Variants in SPNS2 observed in about 807,000 individuals in gnomAD.
The protein encoded by SPNS2 is SPNS lysolipid transporter 2, sphingosine-1-phosphate, also known as sphingosine-1-phosphate transporter SPNS2.
In SPNS2, 37 loss-of-function variants were observed where a neutral mutation model predicts 57.6. The ratio of observed to expected loss-of-function variants is 0.64; its 90% confidence interval spans 0.49 to 0.85. The LOEUF (loss-of-function observed/expected upper bound fraction) is 0.85. SPNS2 is among the 40% of genes least tolerant of loss of function. SPNS2 has a pLI of 0.00. For synonymous variants in SPNS2, 440 were observed against 346.9 expected, an observed-to-expected ratio of 1.27 and a Z score of -2.98; for missense variants, 831 against 779.1, an observed-to-expected ratio of 1.07 and a Z score of -0.79.
At chr17:4,536,501 CTGGGG>C in intron 11 of SPNS2, 75 bp downstream of exon 11, 2 of 1,474,074 alleles carry the variant, frequency 1.4e-6, no homozygotes, top group Non-Finnish European at 9.2e-7. Context: ...GAGCCCTGCC[CTGGGG>C]TGGGGCGGGG....
intron 3 of SPNS2, 117 bp from the exon 4 acceptor site, chr17:4,530,515 C>T (rs1361463604): frequency 3.1e-6 from 4 of 1,276,070 alleles, no homozygotes; most frequent in Non-Finnish European, 4.4e-6. Flanking sequence ...CCAGCACCCT[C>T]ACCCTTCTCT....
At chr17:4,513,674 G>A (rs1904911454) in intron 2 of SPNS2, among the ~76,000 whole-genome samples, 1 of 152,154 alleles carries the variant, frequency 6.6e-6, no homozygotes, top group Non-Finnish European at 1.5e-5. Context: ...TCAGTAAGTT[G>A]GGCAATGCCA....
At position 4,512,677 on chromosome 17, in the gene SPNS2, T is replaced by TGTGTATGCATGTGTGC. The variant is rs1567588918; in HGVS notation, c.371-569_371-568insTGTATGCATGTGTGCG. Among the ~76,000 whole-genome samples the TGTGTATGCATGTGTGC allele has an allele frequency of 0.012, 1,869 of 150,506 alleles. 41 individuals carry two copies. The highest frequency in any genetic ancestry group is 0.044 in the African/African-American group (1,773 of 40,686). On this transcript the variant is annotated intron_variant, in intron 1 of 12. Transcript: ENST00000329078. The surrounding 1 kb of genome is among the most constrained non-coding windows in gnomAD (Gnocchi z 5.2). Reference sequence around the variant, plus strand: ...GCGCACGGGTATGTGTGTGCGCGCGTGGGTGTGTATGCATGTGTGCAGGTG... The same window carrying TGTGTATGCATGTGTGC: ...GCGCACGGGTATGTGTGTGCGCGCGTGTGTATGCATGTGTGCGGGTGTGTATGCATGTGTGCAGGTG...
intron 2 of SPNS2, among the ~76,000 whole-genome samples, chr17:4,516,316 CAAAA>C (rs67710825): frequency 1.5e-5 from 1 of 67,506 alleles, no homozygotes. Flanking sequence ...TCTATCTCCC[CAAAA>C]AAAAAAAAAA....
chr17:4,537,813 C>G lies in SPNS2; in HGVS notation c.*365C>G, dbSNP rs536499896. 2.2e-6 allele frequency: 1 copy of G among 455,730 alleles called. No homozygotes were observed. Among genetic ancestry groups the G allele is most frequent in the South Asian group, 1.5e-5 (1 of 64,548 alleles). The allele number at this position is 455,730 out of a possible 1,614,324, so 28.2% of individuals were successfully genotyped here. ...CCCTGCCCTCCCTGGAACGAAGGGC[C>G]AGGGGGCTGGACTTTCCCACACAAC... On this transcript the variant is annotated 3_prime_UTR_variant, in exon 13 of 13. Coordinates refer to ENST00000329078, the MANE Select transcript of SPNS2 (RefSeq NM_001124758.3).
At chr17:4,522,311 G>A (rs914883148) in intron 2 of SPNS2, among the ~76,000 whole-genome samples, 3 of 152,224 alleles carry the variant, frequency 2.0e-5, no homozygotes, top group Non-Finnish European at 4.4e-5. Flanking sequence ...AATGGCTGTG[G>A]CCTGACTGAG....
chr17:4,531,148 C>T, intron 5 of SPNS2, 29 bp downstream of exon 5: 1 of 1,610,726 alleles, frequency 6.2e-7, no homozygotes, highest in Non-Finnish European at 8.5e-7. Context: ...CCCATGAGGA[C>T]ACCCTCCGGT....
intron 2 of SPNS2, among the ~76,000 whole-genome samples, chr17:4,514,527 G>A (rs1224386871): frequency 6.6e-6 from 1 of 152,218 alleles, no homozygotes; most frequent in Non-Finnish European, 1.5e-5. Context: ...GGACTTTGGG[G>A]CTCAGAGAGA....
At chr17:4,535,591 C>T (rs924040924) in intron 9 of SPNS2, among the ~76,000 whole-genome samples, 2 of 151,798 alleles carry the variant, frequency 1.3e-5, no homozygotes, top group Non-Finnish European at 2.9e-5. Flanking sequence ...CCTGATGGCT[C>T]GGGTACTCCG....
In SPNS2 at chr17:4,512,968, G is replaced by A. The variant is rs191389361; in HGVS notation, c.371-279G>A. On this transcript the variant is annotated intron_variant, in intron 1 of 12. Transcript: ENST00000329078. The surrounding 1 kb of genome is among the most constrained non-coding windows in gnomAD (Gnocchi z 5.2). ...GGAAGAGGCCCAAGCTGGCAGATAG[G>A]AGGTGTGGTTGCCCATGGGGCAGAA... Among the ~76,000 whole-genome samples, 1,235 of 152,354 alleles carry A rather than the reference G, an allele frequency of 8.1e-3. 9 individuals are homozygous for A. The highest frequency in any genetic ancestry group is 0.013 in the Non-Finnish European group (906 of 68,028).
rs1252738435 is a variant in SPNS2, at chr17:4,537,484, C to A, written c.*36C>A. 1 of 456,518 alleles carries A rather than the reference C, an allele frequency of 2.2e-6. No individual in the cohort carries two copies. The highest frequency in any genetic ancestry group is 1.5e-5 in the South Asian group (1 of 64,558). The allele number at this position is 456,518 out of a possible 1,614,324, so 28.3% of individuals were successfully genotyped here. A position where few individuals can be genotyped will look rare whatever the true frequency, so the allele number is the denominator to read the frequency against. The stretch of plus-strand genomic sequence containing the variant: ...TTGGGACAATGAAGAACCCACACTC[C>A]CACCTCGTCTGGGAGGTGTCCTACA... On this transcript the variant is annotated 3_prime_UTR_variant, in exon 13 of 13. Coordinates refer to ENST00000329078, the MANE Select transcript of SPNS2 (RefSeq NM_001124758.3).
chr17:4,536,331 G>A lies in SPNS2; in HGVS notation c.1512G>A (p.Ala504=), dbSNP rs1041945035. 7.4e-6 allele frequency: 12 copies of A among 1,611,894 alleles called. No individual in the cohort carries two copies. Among genetic ancestry groups the A allele is most frequent in the Non-Finnish European group, 1.0e-5 (12 of 1,179,960 alleles). The change falls in exon 11 of 13, where the codon GCG becomes GCA. Residue 504 remains alanine (A), a synonymous_variant. Transcript: ENST00000329078. ...GGGAGTTCCTGAGCCTGGGCTACGC[G>A]CTCATGCTCTGCCCTTTCGTCGTGG... ...PLWEFLSLGY[A]LMLCPFVVVL...
chr17:4,536,464 G>A (rs1243008973), intron 11 of SPNS2, 38 bp downstream of exon 11: 2 of 1,574,390 alleles, frequency 1.3e-6, no homozygotes, highest in Admixed American at 3.4e-5. Context: ...TGCACCGCCG[G>A]GAAGCAGGGA....
chr17:4,534,152 C>T (rs370519595), intron 9 of SPNS2, among the ~76,000 whole-genome samples: 7 of 152,256 alleles, frequency 4.6e-5, no homozygotes, highest in East Asian at 1.9e-4. Flanking sequence ...ACTGAGGTGG[C>T]GCTGCCTGCC....
chr17:4,524,934 T>C, intron 2 of SPNS2, 123 bp from the exon 3 acceptor site: 1 of 1,429,234 alleles, frequency 7.0e-7, no homozygotes, highest in Non-Finnish European at 9.4e-7. Context: ...CGAGGTTTCC[T>C]CTCTGGGCTG....
intron 5 of SPNS2, 129 bp from the exon 6 acceptor site, chr17:4,532,413 C>T: frequency 2.9e-6 from 4 of 1,376,026 alleles, no homozygotes; most frequent in South Asian, 1.3e-5. Flanking sequence ...ATTAGGAAGG[C>T]TGGGCAGATA....
At position 4,537,856 on chromosome 17, in the gene SPNS2, A is replaced by G. The variant is rs1207434664; in HGVS notation, c.*408A>G. 2.2e-6 allele frequency: 1 copy of G among 453,520 alleles called. No homozygotes were observed. The highest frequency in any genetic ancestry group is 4.5e-6 in the Non-Finnish European group (1 of 224,606). The allele number at this position is 453,520 out of a possible 1,614,324, so 28.1% of individuals were successfully genotyped here. On this transcript the variant is annotated 3_prime_UTR_variant, in exon 13 of 13. Coordinates refer to ENST00000329078, the MANE Select transcript of SPNS2 (RefSeq NM_001124758.3). ...CACACAACTTGCTGGGCAAAGCACG[A>G]TCTGCAGCTTTGAAGACTCAACAGA...
chr17:4,533,936 A>C, intron 9 of SPNS2, 83 bp downstream of exon 9: 57 of 633,384 alleles, frequency 9.0e-5, no homozygotes, highest in Non-Finnish European at 1.4e-4. Context: ...GGGCGGGTGA[A>C]GGGGCGGGAG....
chr17:4,534,479 G>C (rs564393700), intron 9 of SPNS2: 4 of 157,588 alleles, frequency 2.5e-5, no homozygotes, highest in African/African-American at 9.6e-5. Flanking sequence ...AGGGTCAGGA[G>C]GGGACAGGAG....
Sources: allele counts gnomAD v4.1 joint callset (sites outside exome capture counted in the v4.1 genomes callset), GRCh38; gene constraint gnomAD v4.1.1; non-coding constraint Gnocchi (gnomAD v3.1); transcripts MANE v1.5; gene names NCBI Gene and HGNC (gene_info 2026-07-23, HGNC 2026-07-21).